The following ARMH3 variants were observed in gnomAD, a reference collection of about 807,000 sequenced individuals.
The protein encoded by ARMH3 is armadillo like helical domain containing 3.
ARMH3 carries 60 observed loss-of-function variants against 99.1 expected under a neutral mutation model. The ratio of observed to expected loss-of-function variants is 0.61; its 90% CI spans 0.49 to 0.75. The LOEUF (loss-of-function observed/expected upper bound fraction) is 0.75, where lower values mean the gene tolerates loss of function less well. Among genes scored for constraint, ARMH3 ranks in the 30% least tolerant of loss-of-function variants. ARMH3 has a pLI of 0.00. For synonymous variants in ARMH3, 285 were observed against 292.8 expected (o/e 0.97, Z 0.27); for missense variants, 679 against 843.1 (o/e 0.81, Z 2.41).
chr10:101,912,685 T>C (rs1407089152), intron 23 of ARMH3, among the ~76,000 whole-genome samples: 1 of 152,220 alleles, frequency 6.6e-6, no homozygotes, highest in Non-Finnish European at 1.5e-5. Flanking sequence ...TTGCACTGTT[T>C]AGAACCTCCA....
intron 19 of ARMH3, among the ~76,000 whole-genome samples, chr10:101,988,922 CAAAAAAAAAAA>C (rs35605193): frequency 1.8e-5 from 1 of 56,582 alleles, no homozygotes; most frequent in African/African-American, 7.6e-5. Context: ...GACTCTGTCT[CAAAAAAAAAAA>C]AAAAAAAAAA....
intron 23 of ARMH3, among the ~76,000 whole-genome samples, chr10:101,938,665 C>T (rs909344600): frequency 6.6e-6 from 1 of 152,222 alleles, no homozygotes; most frequent in African/African-American, 2.4e-5. Context: ...GGGTCATAAA[C>T]AGATATTTGG....
rs2066938472 is a variant in ARMH3, at chr10:102,023,723, A to G, written c.534T>C (p.Thr178=). 1 of 1,614,052 alleles carries G rather than the reference A, an allele frequency of 6.2e-7. No homozygotes were observed. ...VTVTDNISQN[T]ILEYVMINSI... ...TGTTGATCATTACATACTCGAGAAT[A>G]GTGTTCTGGCTGATGTTATCTGTCA... Residue 178 remains threonine, a synonymous_variant, in exon 7 of 26, where the codon ACT becomes ACC. Coordinates refer to ENST00000370033, the MANE Select transcript of ARMH3 (RefSeq NM_024541.3).
chr10:102,048,679 C>A (rs1431709146), intron 1 of ARMH3, among the ~76,000 whole-genome samples: 3 of 152,136 alleles, frequency 2.0e-5, no homozygotes, highest in Admixed American at 1.3e-4. Context: ...CCTGCCTCAG[C>A]CTCCCAAAGT....
intron 1 of ARMH3, among the ~76,000 whole-genome samples, chr10:102,044,222 T>C (rs992953997): frequency 5.9e-5 from 9 of 151,644 alleles, no homozygotes; most frequent in African/African-American, 2.2e-4. Flanking sequence ...GCCTCCCCAG[T>C]AGCTGAGACA....
At chr10:101,860,686 C>T (rs2066846384) in intron 24 of ARMH3, among the ~76,000 whole-genome samples, 1 of 152,178 alleles carries the variant, frequency 6.6e-6, no homozygotes, top group South Asian at 2.1e-4. Flanking sequence ...GTAAGCTGAA[C>T]AATTCTCAGA....
At chr10:102,023,187 CAAAA>C (rs57196032) in intron 8 of ARMH3, among the ~76,000 whole-genome samples, 3 of 128,818 alleles carry the variant, frequency 2.3e-5, no homozygotes, top group Non-Finnish European at 3.4e-5. Flanking sequence ...AAATCCGTCT[CAAAA>C]AAAAAAAAAA....
intron 23 of ARMH3, among the ~76,000 whole-genome samples, chr10:101,928,044 C>T (rs988629749): frequency 3.3e-5 from 5 of 151,964 alleles, no homozygotes; most frequent in African/African-American, 9.7e-5. Flanking sequence ...ACTGCACTCC[C>T]GCCTGGGCAG....
intron 20 of ARMH3, among the ~76,000 whole-genome samples, chr10:101,969,987 T>C (rs1845698652): frequency 6.6e-6 from 1 of 152,190 alleles, no homozygotes; most frequent in South Asian, 2.1e-4. Context: ...GAATATAAAA[T>C]GTCAGTATAA....
In ARMH3 at chr10:101,889,392, T is replaced by C. The variant is rs1221199251; in HGVS notation, c.1860+20A>G. 1 of 1,598,902 alleles carries C rather than the reference T, an allele frequency of 6.3e-7. No homozygotes were observed. The highest frequency in any genetic ancestry group is 1.1e-5 in the South Asian group (1 of 90,754). On this transcript the variant is annotated intron_variant, in intron 24 of 25. Coordinates refer to ENST00000370033, the MANE Select transcript of ARMH3 (RefSeq NM_024541.3). ...GATCCTAGCCACCAACTAGGTCATC[T>C]GGGGAAAGTAGTGGCTTACCTGCTC...
intron 23 of ARMH3, among the ~76,000 whole-genome samples, chr10:101,891,033 T>C (rs1430073487): frequency 3.9e-5 from 6 of 151,926 alleles, no homozygotes; most frequent in African/African-American, 1.4e-4. Context: ...TGCCACCATG[T>C]CTGGCTAATT....
At chr10:102,010,760 T>A (rs2066613122) in intron 11 of ARMH3, among the ~76,000 whole-genome samples, 1 of 152,180 alleles carries the variant, frequency 6.6e-6, no homozygotes, top group South Asian at 2.1e-4. Flanking sequence ...GGCAGAGATA[T>A]CTGGGAGCAG....
Position 101,896,231 on chromosome 10 carries a change from AAAACAAAC to A in ARMH3, c.1782-6749_1782-6742del, listed in dbSNP as rs142465399. Among the ~76,000 whole-genome samples the A allele has an allele frequency of 8.4e-3, 1,277 of 151,746 alleles. 9 individuals carry two copies. Among genetic ancestry groups the A allele is most frequent in the East Asian group, 0.022 (114 of 5,170 alleles). On this transcript the variant is annotated intron_variant, in intron 23 of 25. Transcript: ENST00000370033. ...AGGTGAGAGCACAGACCCTGTCTCAAAAACAAACAAACAAACAAACAAACAAACAAAAC... is the reference window on the plus strand; with the variant it reads ...AGGTGAGAGCACAGACCCTGTCTCAAAAACAAACAAACAAACAAACAAAAC...
At chr10:102,045,476 G>A (rs2067526190) in intron 1 of ARMH3, among the ~76,000 whole-genome samples, 1 of 152,144 alleles carries the variant, frequency 6.6e-6, no homozygotes, top group African/African-American at 2.4e-5. Context: ...AAGAAACCAG[G>A]CAAGTAAAAA....
At chr10:102,006,027 G>T (rs979241144) in intron 14 of ARMH3, among the ~76,000 whole-genome samples, 1 of 152,218 alleles carries the variant, frequency 6.6e-6, no homozygotes, top group Non-Finnish European at 1.5e-5. Flanking sequence ...GCATTTAGTA[G>T]TAAACAAAAT....
At chr10:102,051,783 A>C (rs769502796) in intron 1 of ARMH3, among the ~76,000 whole-genome samples, 1 of 152,232 alleles carries the variant, frequency 6.6e-6, no homozygotes, top group Non-Finnish European at 1.5e-5. Flanking sequence ...CTAGCTTCAC[A>C]AAAGACAATT....
chr10:101,869,052 A>G (rs1389664289), intron 24 of ARMH3, among the ~76,000 whole-genome samples: 1 of 151,062 alleles, frequency 6.6e-6, no homozygotes, highest in African/African-American at 2.4e-5. Context: ...AGCTTGGGAG[A>G]CAGAGTGAGA....
intron 1 of ARMH3, among the ~76,000 whole-genome samples, chr10:102,046,847 G>A (rs1051985836): frequency 8.5e-5 from 13 of 152,166 alleles, no homozygotes; most frequent in Non-Finnish European, 5.9e-5. Flanking sequence ...CTGTGAAGAG[G>A]TTCTAGGTGA....
At chr10:101,873,512 C>A (rs1251129257) in intron 24 of ARMH3, among the ~76,000 whole-genome samples, 2 of 152,054 alleles carry the variant, frequency 1.3e-5, no homozygotes, top group African/African-American at 2.4e-5. Flanking sequence ...TTATAAAATT[C>A]ATTCGCTTAA....
Sources: gnomAD v4.1 joint callset for allele counts (sites outside exome capture counted in the v4.1 genomes callset) on GRCh38, gnomAD v4.1.1 for gene constraint, MANE v1.5 for transcripts, NCBI Gene and HGNC (gene_info 2026-07-23, HGNC 2026-07-21) for gene names.